Variants in RPS6KC1 observed in about 807,000 individuals in gnomAD.
RPS6KC1 encodes the protein inactive ribosomal protein S6 kinase delta-1.
RPS6KC1 carries 54 observed loss-of-function variants against 103.8 expected under a neutral mutation model. The observed-to-expected ratio is 0.52, with a 90% CI of 0.42 to 0.65. The LOEUF (loss-of-function observed/expected upper bound fraction) is 0.65. Ranked by LOEUF, RPS6KC1 falls within the 30% of genes least tolerant of loss-of-function variation. The probability of loss-of-function intolerance (pLI) is 0.00; values close to 1 mark genes in which losing one functional copy is unlikely to be tolerated. For synonymous variants in RPS6KC1, 439 were observed against 438.7 expected (o/e 1.00, Z -0.01); for missense variants, 1,151 against 1,253.8 (o/e 0.92, Z 1.24).
chr1:213,118,409 G>A (rs1325812882), intron 5 of RPS6KC1, among the ~76,000 whole-genome samples: 1 of 152,052 alleles, frequency 6.6e-6, no homozygotes, highest in Non-Finnish European at 1.5e-5. Flanking sequence ...TTTATTAAAG[G>A]TAAAATAATA....
At chr1:213,768,157 T>C in the RPS6KC1 span, among the ~76,000 whole-genome samples, 1 of 152,184 alleles carries the variant, frequency 6.6e-6, no homozygotes, top group East Asian at 1.9e-4. Context: ...TTCCCTTTCA[T>C]GTGGCAAATT....
the RPS6KC1 span, among the ~76,000 whole-genome samples, chr1:213,292,851 A>G: frequency 6.6e-6 from 1 of 152,206 alleles, no homozygotes; most frequent in African/African-American, 2.4e-5. Flanking sequence ...CTGGCCAATG[A>G]GGGCTCCCCC....
intron 6 of RPS6KC1, among the ~76,000 whole-genome samples, chr1:213,133,985 GT>G (rs2085964284): frequency 6.6e-6 from 1 of 151,736 alleles, no homozygotes; most frequent in African/African-American, 2.4e-5. Flanking sequence ...CTATCCATTT[GT>G]TTGTTTTCAC....
chr1:213,697,911 T>A, the RPS6KC1 span, among the ~76,000 whole-genome samples: 2 of 152,084 alleles, frequency 1.3e-5, no homozygotes, highest in Non-Finnish European at 2.9e-5. Flanking sequence ...ATTGTAATGA[T>A]GATCTTAGCT....
chr1:213,844,153 C>A, the RPS6KC1 span, among the ~76,000 whole-genome samples: 1 of 152,162 alleles, frequency 6.6e-6, no homozygotes, highest in Non-Finnish European at 1.5e-5. Context: ...TAATAAACAT[C>A]AAGACAAGTC....
the RPS6KC1 span, among the ~76,000 whole-genome samples, chr1:213,558,310 C>T: frequency 1.3e-5 from 2 of 152,202 alleles, no homozygotes; most frequent in Non-Finnish European, 2.9e-5. Context: ...CAAACCCCTG[C>T]TCACGCTCAC....
the RPS6KC1 span, among the ~76,000 whole-genome samples, chr1:213,303,654 TC>T: frequency 6.6e-6 from 1 of 152,132 alleles, no homozygotes; most frequent in Non-Finnish European, 1.5e-5. Flanking sequence ...AGCACCTTCC[TC>T]CCAGCCGTGC....
the RPS6KC1 span, among the ~76,000 whole-genome samples, chr1:213,648,124 C>T: frequency 6.6e-6 from 1 of 152,142 alleles, no homozygotes; most frequent in Non-Finnish European, 1.5e-5. Flanking sequence ...TCAAGCAAAG[C>T]ACCATGTATT....
the RPS6KC1 span, among the ~76,000 whole-genome samples, chr1:213,853,064 C>G: frequency 6.6e-6 from 1 of 152,148 alleles, no homozygotes; most frequent in Non-Finnish European, 1.5e-5. Context: ...CTCTGGAACA[C>G]AAGGGGCCCA....
Position 213,220,770 on chromosome 1 carries a change from G to A in RPS6KC1, c.1045-9727G>A, listed in dbSNP as rs80099879. 9.3e-3 allele frequency among the ~76,000 whole-genome samples: 1,415 copies of A among 152,216 alleles called. 43 individuals are homozygous for A. Among genetic ancestry groups the A allele is most frequent in the East Asian group, 0.071 (367 of 5,182 alleles). On this transcript the variant is annotated intron_variant, in intron 8 of 14. Transcript: ENST00000366960. ...AAAATGAAGTCTAAGCAAATTTCCC[G>A]TGAATACATTTCTTTTACAATAAAT...
the RPS6KC1 span, among the ~76,000 whole-genome samples, chr1:213,749,890 A>G: frequency 0.33 from 49,886 of 152,128 alleles, 10,826 homozygotes; most frequent in African/African-American, 0.62. Context: ...TTGGAGGACT[A>G]GATCCTGCAG....
At chr1:213,824,268 T>C in the RPS6KC1 span, among the ~76,000 whole-genome samples, 1 of 152,338 alleles carries the variant, frequency 6.6e-6, no homozygotes, top group East Asian at 1.9e-4. Context: ...CACTCAGAGC[T>C]GGCCCTGTTT....
At chr1:213,619,506 T>C in the RPS6KC1 span, among the ~76,000 whole-genome samples, 10,179 of 152,246 alleles carry the variant, frequency 0.067, 667 homozygotes, top group East Asian at 0.31. Flanking sequence ...TGGAGCTTTG[T>C]GAGCACTAAA....
the RPS6KC1 span, among the ~76,000 whole-genome samples, chr1:213,338,526 C>T: frequency 6.6e-6 from 1 of 152,126 alleles, no homozygotes; most frequent in Non-Finnish European, 1.5e-5. Flanking sequence ...AAAGCTATGT[C>T]CATAGCAGGT....
chr1:213,710,237 T>C, the RPS6KC1 span, among the ~76,000 whole-genome samples: 1 of 152,234 alleles, frequency 6.6e-6, no homozygotes, highest in African/African-American at 2.4e-5. Flanking sequence ...AGTCAGCTCT[T>C]CTTGTTGCAT....
chr1:213,117,178 A>C, intron 4 of RPS6KC1, 139 bp from the exon 5 acceptor site: 1 of 518,380 alleles, frequency 1.9e-6, no homozygotes, highest in Middle Eastern at 5.1e-4. Flanking sequence ...TTTTTTGAAA[A>C]CACTTGTCAT....
At chr1:213,074,476 A>G (rs1207334924) in intron 2 of RPS6KC1, among the ~76,000 whole-genome samples, 1 of 152,216 alleles carries the variant, frequency 6.6e-6, no homozygotes, top group Non-Finnish European at 1.5e-5. Context: ...TAGTCCAGAT[A>G]TGAACATCAG....
rs141637651 is a variant in RPS6KC1, at chr1:213,241,834, A to G, written c.2358A>G (p.Ser786=). ...TAGCAGCTGTTGATCATAGTAGTTC[A>G]GGAGATATGTCTTTGTTACCCAGCT... The part of the protein sequence containing the change: ...LFVAAVDHSS[S]GDMSLLPSSD... Residue 786 remains serine, a synonymous_variant, in exon 11 of 15, where the codon TCA becomes TCG. Coordinates refer to ENST00000366960, the MANE Select transcript of RPS6KC1 (RefSeq NM_012424.6). 6.2e-7 allele frequency: 1 copy of G among 1,613,924 alleles called. No individual in the cohort carries two copies. Among genetic ancestry groups the G allele is most frequent in the Admixed American group, 1.7e-5 (1 of 59,966 alleles).
the RPS6KC1 span, among the ~76,000 whole-genome samples, chr1:213,303,321 C>A: frequency 1.3e-5 from 2 of 152,200 alleles, no homozygotes; most frequent in Non-Finnish European, 2.9e-5. Flanking sequence ...AGCTGGTATT[C>A]CCTCCAAGAT....
Sources: allele counts gnomAD v4.1 joint callset (sites outside exome capture counted in the v4.1 genomes callset), GRCh38; gene constraint gnomAD v4.1.1; transcripts MANE v1.5; gene names NCBI Gene and HGNC (gene_info 2026-07-23, HGNC 2026-07-21).